Variants in ABCA13 observed in about 807,000 individuals in gnomAD.
The protein encoded by ABCA13 is ATP binding cassette subfamily A member 13, also known as ATP-binding cassette sub-family A member 13.
Under a neutral mutation model 478.7 loss-of-function variants are expected in ABCA13, and 476 were observed. The ratio of observed to expected loss-of-function variants is 0.99; its 90% CI spans 0.92 to 1.07. ABCA13 has a LOEUF of 1.07. ABCA13 is among the 50% of genes least tolerant of loss of function. The pLI is 0.00. For missense variants in ABCA13, 6,060 were observed against 5,910.6 expected (o/e 1.03, Z -0.83); for synonymous variants, 2,252 against 2,158.9 (o/e 1.04, Z -1.20).
chr7:48,474,224 C>A (rs1178334902), intron 45 of ABCA13, among the ~76,000 whole-genome samples: 1 of 152,098 alleles, frequency 6.6e-6, no homozygotes. Context: ...GGGAGGATCA[C>A]ATCACAGAGT....
At chr7:48,226,352 G>A (rs1022251054) in intron 5 of ABCA13, among the ~76,000 whole-genome samples, 10 of 152,178 alleles carry the variant, frequency 6.6e-5, no homozygotes, top group Admixed American at 1.3e-4. Context: ...CATTCTGGGA[G>A]CTTCCCAGGA....
At position 48,279,932 on chromosome 7, in the gene ABCA13, G is replaced by C. The variant is rs1796805141; in HGVS notation, c.8726+12G>C. The C allele has an allele frequency of 6.7e-7, 1 of 1,502,036 alleles. No homozygotes were observed. Among genetic ancestry groups the C allele is most frequent in the Non-Finnish European group, 8.9e-7 (1 of 1,128,532 alleles). 93.0% of individuals were successfully genotyped at this position (1,502,036 alleles called of 1,614,324 possible). A position where few individuals can be genotyped will look rare whatever the true frequency, so the allele number is the denominator to read the frequency against. ...CTAACAGATCAAAGGTAATTAAAAAGCTGAATTCACTTTGTTTTTTTCTCT... is the reference window on the plus strand; with the variant it reads ...CTAACAGATCAAAGGTAATTAAAAACCTGAATTCACTTTGTTTTTTTCTCT... On this transcript the variant is annotated intron_variant, in intron 18 of 61. Transcript: ENST00000435803.
rs1466447897 is a variant in ABCA13 at position 48,520,099 on chromosome 7, G to C, written c.13856G>C (p.Cys4619Ser). 3 of 1,613,284 alleles carry C rather than the reference G, an allele frequency of 1.9e-6. No individual in the cohort carries two copies. The highest frequency in any genetic ancestry group is 2.5e-6 in the Non-Finnish European group (3 of 1,179,670). ...KWVFTIFPQFCLGQGLVELCY... is the reference protein window; with the variant it reads ...KWVFTIFPQFSLGQGLVELCY... Reference sequence around the variant, plus strand: ...GTCTTTACTATTTTTCCTCAATTCTGTCTTGGTCAAGGACTGGTAGAACTC... The same window carrying C: ...GTCTTTACTATTTTTCCTCAATTCTCTCTTGGTCAAGGACTGGTAGAACTC... The change falls in exon 53 of 62, where the codon TGT (cysteine) becomes TCT (serine). Residue 4619 changes from cysteine to serine, a missense_variant. Cys to Ser is a moderately radical substitution (Grantham distance 112). Transcript: ENST00000435803.
intron 41 of ABCA13, 48 bp from the exon 42 acceptor site, chr7:48,427,718 G>A (rs369949372): frequency 2.6e-4 from 324 of 1,241,806 alleles, no homozygotes; most frequent in Non-Finnish European, 3.5e-4. Context: ...GAAATGCGAT[G>A]TGTATAGAAA....
At position 48,278,447 on chromosome 7, in the gene ABCA13, A is replaced by G. The variant is rs1348731144; in HGVS notation, c.7253A>G (p.Glu2418Gly). 6.2e-7 allele frequency: 1 copy of G among 1,613,862 alleles called. No homozygotes were observed. Among genetic ancestry groups the G allele is most frequent in the Non-Finnish European group, 8.5e-7 (1 of 1,179,878 alleles). ...DLGSALHLVR[E>G]CSTEMARLLD... is the part of the protein sequence containing the mutation. ...GGGTCAGCTCTTCACCTTGTAAGAG[A>G]ATGTTCAACAGAGATGGCAAGACTT... The change falls in exon 18 of 62, where the codon GAA becomes GGA. Residue 2418 changes from glutamate to glycine, a missense_variant. By Grantham distance (98) the Glu-to-Gly change is moderately conservative (BLOSUM62 -2). Around this residue, in one of 3 missense-constraint regions of ABCA13, gnomAD observed 4,423 missense variants for 4,309.1 expected, o/e 1.03. Transcript: ENST00000435803.
At chr7:48,633,238 A>C (rs1340958652) in intron 59 of ABCA13, among the ~76,000 whole-genome samples, 1 of 152,180 alleles carries the variant, frequency 6.6e-6, no homozygotes, top group Non-Finnish European at 1.5e-5. Flanking sequence ...TAAATAAACA[A>C]ATATGGAATG....
intron 55 of ABCA13, among the ~76,000 whole-genome samples, chr7:48,536,416 G>T (rs948991452): frequency 2.0e-5 from 3 of 152,160 alleles, no homozygotes; most frequent in African/African-American, 7.2e-5. Flanking sequence ...GGGAGGCCGA[G>T]GTGGGAGGAT....
At chr7:48,499,303 TAATG>T (rs1830535520) in intron 48 of ABCA13, among the ~76,000 whole-genome samples, 1 of 152,214 alleles carries the variant, frequency 6.6e-6, no homozygotes. Context: ...TGATATCTCA[TAATG>T]AATTAATTAA....
chr7:48,517,944 T>A (rs1177837242), intron 52 of ABCA13, among the ~76,000 whole-genome samples: 1 of 152,202 alleles, frequency 6.6e-6, no homozygotes, highest in Non-Finnish European at 1.5e-5. Flanking sequence ...ATGAGTCTAC[T>A]TCCTCATGGC....
intron 55 of ABCA13, among the ~76,000 whole-genome samples, chr7:48,566,004 G>C (rs1787019411): frequency 1.3e-5 from 2 of 152,180 alleles, no homozygotes; most frequent in African/African-American, 4.8e-5. Context: ...AGTGGCAGTA[G>C]AGAATCCAGC....
At chr7:48,309,158 G>C (rs948143056) in intron 23 of ABCA13, among the ~76,000 whole-genome samples, 1 of 151,470 alleles carries the variant, frequency 6.6e-6, no homozygotes, top group African/African-American at 2.4e-5. Flanking sequence ...CATCTGTTGA[G>C]TTCTCCGTGC....
chr7:48,621,993 CG>C lies in ABCA13; in HGVS notation c.14837+6620del, dbSNP rs1400918348. Among the ~76,000 whole-genome samples, 3 of 152,236 alleles carry C rather than the reference CG, an allele frequency of 2.0e-5. No homozygotes were observed. In the East Asian group the frequency reaches 5.8e-4, roughly 29 times the overall value. ...AGACAGCATCTAGAGTATAGAATTT[CG>C]GGGACCCAACCTCATAGGGAAAAGT... On this transcript the variant is annotated intron_variant, in intron 59 of 61. Transcript: ENST00000435803.
intron 31 of ABCA13, among the ~76,000 whole-genome samples, chr7:48,354,655 C>T (rs1809608602): frequency 1.3e-5 from 2 of 151,990 alleles, no homozygotes; most frequent in Non-Finnish European, 2.9e-5. Context: ...CAATATAACT[C>T]CTCAGAAGTA....
In ABCA13 at chr7:48,376,443, ATTC is replaced by A; in HGVS notation, c.11207_11209del (p.Ile3736_Gln3737delinsLys). ...TCTGACCTTTTTCTTCCTGCTAGGG[ATTC>A]AATGGAATAATATGTACCAGGCTCT... On this transcript the variant is annotated inframe_deletion, in exon 35 of 62. Coordinates refer to ENST00000435803, the MANE Select transcript of ABCA13 (RefSeq NM_152701.5). The A allele has an allele frequency of 6.2e-7, 1 of 1,613,090 alleles. No individual in the cohort carries two copies. Among genetic ancestry groups the A allele is most frequent in the Non-Finnish European group, 8.5e-7 (1 of 1,179,602 alleles).
chr7:48,598,804 A>T (rs989888734), intron 58 of ABCA13, among the ~76,000 whole-genome samples: 1 of 151,924 alleles, frequency 6.6e-6, no homozygotes, highest in Non-Finnish European at 1.5e-5. Context: ...TTTTCTAAAA[A>T]TTTTAGAATT....
At chr7:48,555,713 C>T (rs2131224628) in intron 55 of ABCA13, among the ~76,000 whole-genome samples, 1 of 151,508 alleles carries the variant, frequency 6.6e-6, no homozygotes, top group East Asian at 1.9e-4. Flanking sequence ...CTCTTTTTTT[C>T]TCAGTCTGGC....
At chr7:48,411,395 C>T (rs934042279) in intron 40 of ABCA13, among the ~76,000 whole-genome samples, 10 of 151,190 alleles carry the variant, frequency 6.6e-5, no homozygotes, top group African/African-American at 1.7e-4. Flanking sequence ...TGCAACCTCC[C>T]GTTCCAGGTT....
At chr7:48,241,355 A>C (rs1314844928) in intron 10 of ABCA13, among the ~76,000 whole-genome samples, 1 of 152,216 alleles carries the variant, frequency 6.6e-6, no homozygotes, top group African/African-American at 2.4e-5. Context: ...GCATTTGTTT[A>C]AAAATGAATA....
intron 56 of ABCA13, among the ~76,000 whole-genome samples, chr7:48,582,061 T>A (rs552806531): frequency 6.6e-6 from 1 of 152,348 alleles, no homozygotes; most frequent in African/African-American, 2.4e-5. Context: ...ATGAAGTAGA[T>A]GCTTATTCCC....
Sources: gnomAD v4.1 joint callset for allele counts (sites outside exome capture counted in the v4.1 genomes callset) on GRCh38, gnomAD v4.1.1 for gene constraint, gnomAD v4.1.1 regional missense constraint, MANE v1.5 for transcripts, NCBI Gene and HGNC (gene_info 2026-07-23, HGNC 2026-07-21) for gene names.